The following MAP3K9 variants were observed in gnomAD, a reference collection of about 807,000 sequenced individuals.
MAP3K9 encodes the protein mixed lineage kinase 1 (tyr and ser/thr specificity).
In MAP3K9, 46 loss-of-function variants were observed where a neutral mutation model predicts 95.8. That is an observed-to-expected ratio of 0.48 (90% CI 0.38 to 0.61). MAP3K9 has a LOEUF of 0.61. Among genes scored for constraint, MAP3K9 ranks in the 20% least tolerant of loss-of-function variants. The pLI is 0.00. For missense variants in MAP3K9, 1,296 were observed against 1,474.3 expected (o/e 0.88, Z 1.98); for synonymous variants, 533 against 593.8 (o/e 0.90, Z 1.49).
At chr14:70,735,421 C>T (rs1202270268) in intron 9 of MAP3K9, among the ~76,000 whole-genome samples, 2 of 151,502 alleles carry the variant, frequency 1.3e-5, no homozygotes, top group Non-Finnish European at 2.9e-5. Flanking sequence ...GACCACTTTC[C>T]CCAAAGTCCC....
chr14:70,742,833 C>G (rs2054092613), intron 5 of MAP3K9, among the ~76,000 whole-genome samples: 1 of 151,706 alleles, frequency 6.6e-6, no homozygotes, highest in African/African-American at 2.4e-5. Context: ...AGCCATAGGT[C>G]AAGCCCTAGA....
In MAP3K9 at chr14:70,801,034, G is replaced by T. The variant is rs2054924323; in HGVS notation, c.453C>A (p.Gly151=). 6.2e-7 allele frequency: 1 copy of T among 1,613,992 alleles called. No individual in the cohort carries two copies. The highest frequency in any genetic ancestry group is 1.1e-5 in the South Asian group (1 of 91,078). Residue 151 remains glycine (G), a synonymous_variant, in exon 2 of 12, where the codon GGC becomes GGA. Coordinates refer to ENST00000554752, the MANE Select transcript of MAP3K9 (RefSeq NM_001284230.2). ...FAELTLEEII[G]IGGFGKVYRA... ...GATAGACCTTCCCAAAGCCCCCGAT[G>T]CCAATAATCTCTTCCAAGGTGAGCT...
chr14:70,777,760 C>T (rs1240811887), intron 2 of MAP3K9, among the ~76,000 whole-genome samples: 4 of 152,176 alleles, frequency 2.6e-5, no homozygotes, highest in African/African-American at 4.8e-5. Context: ...GCAGTGTCCA[C>T]CTAGTTCTCT....
In MAP3K9 at chr14:70,761,109, A is replaced by G; in HGVS notation, c.894T>C (p.Ala298=). The change falls in exon 3 of 12, where the codon GCT becomes GCC. Residue 298 remains alanine, a synonymous_variant. Transcript: ENST00000554752. Reference sequence around the variant, plus strand: ...TCTTGGTGGTTCGGTGCCATTCCCGAGCCAGGCCAAAATCAGTGATCTTCA... The same window carrying G: ...TCTTGGTGGTTCGGTGCCATTCCCGGGCCAGGCCAAAATCAGTGATCTTCA... The part of the protein sequence containing the change: ...KILKITDFGL[A]REWHRTTKMS... 1 of 1,614,118 alleles carries G rather than the reference A, an allele frequency of 6.2e-7. No homozygotes were observed. Among genetic ancestry groups the G allele is most frequent in the Non-Finnish European group, 8.5e-7 (1 of 1,180,008 alleles).
At chr14:70,763,131 G>A (rs1423241423) in intron 2 of MAP3K9, among the ~76,000 whole-genome samples, 1 of 152,160 alleles carries the variant, frequency 6.6e-6, no homozygotes, top group Non-Finnish European at 1.5e-5. Flanking sequence ...AAACAGCTGT[G>A]GCAATAACAA....
At chr14:70,783,038 G>C (rs962895987) in intron 2 of MAP3K9, among the ~76,000 whole-genome samples, 1 of 152,194 alleles carries the variant, frequency 6.6e-6, no homozygotes, top group African/African-American at 2.4e-5. Flanking sequence ...GTAAGGAAAA[G>C]TCTTAGAATA....
intron 3 of MAP3K9, among the ~76,000 whole-genome samples, chr14:70,754,880 G>C (rs2054277255): frequency 6.6e-6 from 1 of 152,118 alleles, no homozygotes; most frequent in Non-Finnish European, 1.5e-5. Flanking sequence ...AGTAACCACT[G>C]CTCTACCCAC....
intron 6 of MAP3K9, among the ~76,000 whole-genome samples, chr14:70,741,909 T>C (rs947859301): frequency 6.6e-6 from 1 of 152,156 alleles, no homozygotes; most frequent in Non-Finnish European, 1.5e-5. Flanking sequence ...ATCTTGTCAT[T>C]GCACTCCAGC....
chr14:70,733,158 G>C lies in MAP3K9; in HGVS notation c.2211C>G (p.Asn737Lys). Residue 737 changes from asparagine (N) to lysine (K), a missense_variant, in exon 11 of 12, where the codon AAC (asparagine) becomes AAG (lysine). Asn to Lys is a moderately conservative substitution (Grantham distance 94). Transcript: ENST00000554752. ...ATSTPQLTPT[N>K]SLKRGGAHHR... ...GGTGGGCACCGCCCCGCTTGAGGCT[G>C]TTGGTTGGCGTCAGCTGAGGGGTAC... 1 of 1,612,580 alleles carries C rather than the reference G, an allele frequency of 6.2e-7. No homozygotes were observed. Among genetic ancestry groups the C allele is most frequent in the Non-Finnish European group, 8.5e-7 (1 of 1,178,944 alleles).
At chr14:70,801,188 G>A in intron 1 of MAP3K9, 108 bp from the exon 2 acceptor site, 1 of 1,041,948 alleles carries the variant, frequency 9.6e-7, no homozygotes, top group Non-Finnish European at 1.4e-6. Flanking sequence ...CTGTTTACTG[G>A]GCCTTTCTGT....
At chr14:70,749,717 A>T in intron 4 of MAP3K9, 2 of 505,150 alleles carry the variant, frequency 4.0e-6, no homozygotes, top group Non-Finnish European at 6.9e-6. Flanking sequence ...TTTGTTACTA[A>T]TTTCACTTCT....
intron 2 of MAP3K9, among the ~76,000 whole-genome samples, chr14:70,797,718 G>A (rs926419555): frequency 3.3e-5 from 5 of 152,090 alleles, no homozygotes; most frequent in Non-Finnish European, 7.4e-5. Context: ...GTGACAAAGT[G>A]AGACCCTGTC....
In MAP3K9 at chr14:70,748,961, A is replaced by G. The variant is rs1039727895; in HGVS notation, c.1194T>C (p.Asn398=). ...PDPHSRPSFT[N]ILDQLTTIEE... is the part of the protein sequence containing the mutation. ...CTATGGTGGTTAGCTGGTCCAGGAT[A>G]TTCGTGAAAGATGGTCGTGAGTGGG... Residue 398 remains asparagine (N), a synonymous_variant, in exon 5 of 12, where the codon AAT becomes AAC. Transcript: ENST00000554752. 1 of 1,614,008 alleles carries G rather than the reference A, an allele frequency of 6.2e-7. No homozygotes were observed. The highest frequency in any genetic ancestry group is 1.3e-5 in the African/African-American group (1 of 75,024).
intron 3 of MAP3K9, among the ~76,000 whole-genome samples, chr14:70,758,431 T>C (rs571401030): frequency 6.6e-6 from 1 of 152,206 alleles, no homozygotes; most frequent in South Asian, 2.1e-4. Context: ...AATTGGAACA[T>C]TCATACATTG....
intron 3 of MAP3K9, among the ~76,000 whole-genome samples, chr14:70,759,720 C>A (rs2054345085): frequency 1.3e-5 from 2 of 152,178 alleles, no homozygotes; most frequent in African/African-American, 4.8e-5. Context: ...GTGACCCATA[C>A]ACACCTTTTA....
At chr14:70,750,197 G>C in intron 3 of MAP3K9, 116 bp from the exon 4 acceptor site, 1 of 946,660 alleles carries the variant, frequency 1.1e-6, no homozygotes, top group South Asian at 1.7e-5. Context: ...TGAGACTAAT[G>C]AAACAGAAAT....
Position 70,730,276 on chromosome 14 carries a change from G to T in MAP3K9, c.*104C>A. On this transcript the variant is annotated 3_prime_UTR_variant, in exon 12 of 12. Transcript: ENST00000554752. ...TCAAAGTGCATTATCAGTGCAAGAA[G>T]TAGGGCTGGATCTCAGGGGGTCCAA... 1 of 1,472,814 alleles carries T rather than the reference G, an allele frequency of 6.8e-7. No individual in the cohort carries two copies. The highest frequency in any genetic ancestry group is 9.1e-7 in the Non-Finnish European group (1 of 1,096,122). The allele number at this position is 1,472,814 out of a possible 1,614,324, so 91.2% of individuals were successfully genotyped here. A position where few individuals can be genotyped will look rare whatever the true frequency, so the allele number is the denominator to read the frequency against.
At chr14:70,739,263 C>T (rs1371392297) in intron 7 of MAP3K9, among the ~76,000 whole-genome samples, 1 of 152,138 alleles carries the variant, frequency 6.6e-6, no homozygotes, top group Admixed American at 6.5e-5. Context: ...CCAAGTAGCT[C>T]GGACTACAGA....
chr14:70,809,117 G>GGGC lies in MAP3K9; in HGVS notation c.52_54dup (p.Ala18dup). ...GCCCCTGCTCCATCCTCCCCCGGCGGGGCGGCAGCGGCGGCGCTCGCTAGG... is the reference window on the plus strand; with the variant it reads ...GCCCCTGCTCCATCCTCCCCCGGCGGGGCGGCGGCAGCGGCGGCGCTCGCTAGG... On this transcript the variant is annotated inframe_insertion, in exon 1 of 12. Transcript: ENST00000554752. 1.4e-6 allele frequency: 2 copies of GGGC among 1,381,738 alleles called. No individual in the cohort carries two copies. Among genetic ancestry groups the GGGC allele is most frequent in the South Asian group, 3.3e-5 (2 of 59,778 alleles). 85.6% of individuals were successfully genotyped at this position (1,381,738 alleles called of 1,614,324 possible).
Sources: allele counts gnomAD v4.1 joint callset (sites outside exome capture counted in the v4.1 genomes callset), GRCh38; gene constraint gnomAD v4.1.1; transcripts MANE v1.5; gene names NCBI Gene and HGNC (gene_info 2026-07-23, HGNC 2026-07-21).